The following CLASP2 variants were observed in gnomAD, a reference collection of about 807,000 sequenced individuals.
The protein encoded by CLASP2 is cytoplasmic linker associated protein 2.
In CLASP2, 47 loss-of-function variants were observed where a neutral mutation model predicts 194.4. The observed-to-expected ratio is 0.24, with a 90% CI of 0.19 to 0.31. The LOEUF is 0.31. CLASP2 is among the 10% of genes least tolerant of loss of function. CLASP2 has a pLI of 1.00. For missense variants in CLASP2, 1,445 were observed against 1,823.6 expected (o/e 0.79, Z 3.78); for synonymous variants, 619 against 633.5 (o/e 0.98, Z 0.34).
chr3:33,562,307 T>C (rs1336338630), intron 27 of CLASP2, among the ~76,000 whole-genome samples: 1 of 152,184 alleles, frequency 6.6e-6, no homozygotes, highest in Admixed American at 6.5e-5. Flanking sequence ...TGGATTCTCT[T>C]AGATTCCAAA....
At chr3:33,661,782 G>A (rs1306683900) in intron 7 of CLASP2, among the ~76,000 whole-genome samples, 8 of 152,188 alleles carry the variant, frequency 5.3e-5, no homozygotes, top group Admixed American at 5.2e-4. Flanking sequence ...TTAGCAAAGA[G>A]TTATCATTTA....
intron 7 of CLASP2, among the ~76,000 whole-genome samples, chr3:33,651,657 CTTT>C (rs1213189049): frequency 1.7e-5 from 2 of 119,618 alleles, no homozygotes; most frequent in African/African-American, 6.4e-5. Flanking sequence ...TTCCACCTCA[CTTT>C]TTTTTTTTTT....
At position 33,528,192 on chromosome 3, in the gene CLASP2, AC is replaced by A. The variant is rs534033054; in HGVS notation, c.3787+7040del. Reference sequence around the variant, plus strand: ...ATATACAGAACTAAAGACAAAAACCACATGATTATTTCAATAGACACAAAAA... The same window carrying A: ...ATATACAGAACTAAAGACAAAAACCAATGATTATTTCAATAGACACAAAAA... On this transcript the variant is annotated intron_variant, in intron 34 of 38. Coordinates refer to ENST00000682230, the MANE Select transcript of CLASP2 (RefSeq NM_001365631.1). 3.6e-3 allele frequency among the ~76,000 whole-genome samples: 549 copies of A among 152,254 alleles called. 2 individuals are homozygous for A. Among genetic ancestry groups the A allele is most frequent in the African/African-American group, 0.013 (521 of 41,548 alleles).
At chr3:33,566,930 A>G (rs2062841334) in intron 26 of CLASP2, among the ~76,000 whole-genome samples, 196 bp from the exon 27 acceptor site, 1 of 152,248 alleles carries the variant, frequency 6.6e-6, no homozygotes, top group Admixed American at 6.5e-5. Flanking sequence ...AATGAATAGT[A>G]TGGGAGAAGA....
chr3:33,498,685 T>C lies in CLASP2; in HGVS notation c.4467A>G (p.Ala1489=), dbSNP rs1158209239. 1 of 1,613,466 alleles carries C rather than the reference T, an allele frequency of 6.2e-7. No homozygotes were observed. Among genetic ancestry groups the C allele is most frequent in the East Asian group, 2.2e-5 (1 of 44,876 alleles). The stretch of plus-strand genomic sequence containing the variant: ...GATCAGCTCCTCCAGAACCTGTTTG[T>C]GCACGTTTGATGTAAAGATTCAGTA... ...MKLLNLYIKR[A]QTGSGGADPT... is the part of the protein sequence containing the mutation. The change falls in exon 39 of 39, where the codon GCA becomes GCG. Residue 1489 remains alanine, a synonymous_variant. Coordinates refer to ENST00000682230, the MANE Select transcript of CLASP2 (RefSeq NM_001365631.1).
chr3:33,543,895 CACCAA>C (rs1466138060), intron 31 of CLASP2, among the ~76,000 whole-genome samples: 5 of 152,250 alleles, frequency 3.3e-5, no homozygotes, highest in Non-Finnish European at 5.9e-5. Flanking sequence ...CTTTGCTTTA[CACCAA>C]GGGAGTTAAA....
intron 1 of CLASP2, among the ~76,000 whole-genome samples, chr3:33,709,027 C>G (rs1042728956): frequency 1.3e-5 from 2 of 152,140 alleles, no homozygotes; most frequent in Non-Finnish European, 2.9e-5. Context: ...ATATGATTTG[C>G]CAGTATTTTC....
intron 21 of CLASP2, among the ~76,000 whole-genome samples, chr3:33,586,005 A>C (rs2154219062): frequency 6.6e-6 from 1 of 152,314 alleles, no homozygotes; most frequent in African/African-American, 2.4e-5. Context: ...GCTGAAAAAG[A>C]AACTTGTTTT....
intron 25 of CLASP2, among the ~76,000 whole-genome samples, chr3:33,571,235 G>C (rs1410978991): frequency 3.5e-5 from 5 of 141,668 alleles, no homozygotes; most frequent in South Asian, 2.4e-4. Context: ...GGATGGTCTC[G>C]ATCTCCTGAC....
At chr3:33,575,892 C>G (rs1348163517) in intron 24 of CLASP2, among the ~76,000 whole-genome samples, 1 of 152,034 alleles carries the variant, frequency 6.6e-6, no homozygotes, top group Admixed American at 6.6e-5. Flanking sequence ...GTTTATCTCC[C>G]TTAAGTATAC....
intron 12 of CLASP2, 53 bp downstream of exon 12, chr3:33,619,550 G>T (rs915039233): frequency 2.2e-6 from 3 of 1,391,708 alleles, no homozygotes; most frequent in African/African-American, 3.1e-5. Flanking sequence ...GGAGGAAGAA[G>T]AAACAAAAGT....
chr3:33,618,099 C>A (rs1034297030), intron 12 of CLASP2, among the ~76,000 whole-genome samples: 1 of 151,474 alleles, frequency 6.6e-6, no homozygotes, highest in Non-Finnish European at 1.5e-5. Flanking sequence ...CAGGCATGCG[C>A]CACCATGCCT....
intron 30 of CLASP2, among the ~76,000 whole-genome samples, chr3:33,550,875 AAATAGACGG>A (rs1156494804): frequency 6.6e-6 from 1 of 152,236 alleles, no homozygotes; most frequent in Non-Finnish European, 1.5e-5. Context: ...TCACTTAACA[AAATAGACGG>A]ATATACCTAA....
intron 18 of CLASP2, among the ~76,000 whole-genome samples, chr3:33,597,831 C>T (rs2070889594): frequency 6.6e-6 from 1 of 151,580 alleles, no homozygotes; most frequent in Non-Finnish European, 1.5e-5. Flanking sequence ...CATCTCACTG[C>T]AGCCTCCACC....
chr3:33,713,012 C>CAAAAAAAAAAAAAAAAA lies in CLASP2; in HGVS notation c.195+4779_195+4795dup, dbSNP rs57940200. ...GGGCGACAAGAGCAAAACTCCACCT[C>CAAAAAAAAAAAAAAAAA]AAAAAAAAAAAAAAAAAAAAAAAAA... On this transcript the variant is annotated intron_variant, in intron 1 of 38. Transcript: ENST00000682230. 1.5e-3 allele frequency among the ~76,000 whole-genome samples: 72 copies of CAAAAAAAAAAAAAAAAA among 47,002 alleles called. 1 individual carries two copies. Among genetic ancestry groups the CAAAAAAAAAAAAAAAAA allele is most frequent in the Non-Finnish European group, 2.2e-3 (52 of 23,698 alleles). The allele number at this position is 47,002 out of a possible 152,430, so 30.8% of individuals were successfully genotyped here.
chr3:33,694,796 C>G (rs534789436), intron 2 of CLASP2, among the ~76,000 whole-genome samples: 63 of 152,198 alleles, frequency 4.1e-4, no homozygotes, highest in South Asian at 2.9e-3. Context: ...AAAATACAGG[C>G]TGGGCATGGT....
chr3:33,608,140 C>T (rs2074293500), intron 14 of CLASP2, among the ~76,000 whole-genome samples: 1 of 152,168 alleles, frequency 6.6e-6, no homozygotes, highest in East Asian at 1.9e-4. Context: ...ATATACTTGA[C>T]CAATGACATC....
chr3:33,664,769 A>G (rs369099218), intron 6 of CLASP2, among the ~76,000 whole-genome samples: 2 of 152,176 alleles, frequency 1.3e-5, no homozygotes, highest in African/African-American at 4.8e-5. Context: ...AGAGGTGGAC[A>G]TAAGATAGAA....
intron 33 of CLASP2, among the ~76,000 whole-genome samples, chr3:33,536,234 T>C (rs578081000): frequency 2.0e-5 from 3 of 149,066 alleles, no homozygotes; most frequent in African/African-American, 7.4e-5. Flanking sequence ...GTGGAGTTTA[T>C]ATTTTAGTGG....
Sources: gnomAD v4.1 joint callset for allele counts (sites outside exome capture counted in the v4.1 genomes callset) on GRCh38, gnomAD v4.1.1 for gene constraint, MANE v1.5 for transcripts, NCBI Gene and HGNC (gene_info 2026-07-23, HGNC 2026-07-21) for gene names.